The following RPS6KC1 variants were observed in gnomAD, a reference collection of about 807,000 sequenced individuals.
RPS6KC1 encodes inactive ribosomal protein S6 kinase delta-1.
RPS6KC1 carries 54 observed loss-of-function variants against 103.8 expected under a neutral mutation model. The observed-to-expected ratio is 0.52, with a 90% CI of 0.42 to 0.65. The LOEUF (loss-of-function observed/expected upper bound fraction) is 0.65, where lower values mean the gene tolerates loss of function less well. Among genes scored for constraint, RPS6KC1 ranks in the 30% least tolerant of loss-of-function variants. The pLI is 0.00. For synonymous variants in RPS6KC1, 439 were observed against 438.7 expected (o/e 1.00, Z -0.01); for missense variants, 1,151 against 1,253.8 (o/e 0.92, Z 1.24).
intron 8 of RPS6KC1, among the ~76,000 whole-genome samples, chr1:213,180,438 CT>C (rs1245633031): frequency 6.6e-6 from 1 of 152,086 alleles, no homozygotes; most frequent in Non-Finnish European, 1.5e-5. Context: ...TAAGAAATAC[CT>C]TTTGAGAATT....
chr1:213,269,111 G>T (rs1178152375), intron 14 of RPS6KC1, among the ~76,000 whole-genome samples: 3 of 152,158 alleles, frequency 2.0e-5, no homozygotes, highest in African/African-American at 7.2e-5. Context: ...CAGATTGAAA[G>T]ACAAAGGATG....
At chr1:213,155,020 T>A (rs940788169) in intron 6 of RPS6KC1, among the ~76,000 whole-genome samples, 2 of 152,198 alleles carry the variant, frequency 1.3e-5, no homozygotes, top group Admixed American at 6.5e-5. Context: ...CAGGTTCCCT[T>A]CTGGCTCAGG....
At chr1:213,284,641 C>CA in the RPS6KC1 span, among the ~76,000 whole-genome samples, 149,755 of 152,244 alleles carry the variant, frequency 0.98, 73,707 homozygotes, top group East Asian at 1. Flanking sequence ...TTGAAGTAGG[C>CA]AAGAAGATGG....
chr1:213,060,247 C>A (rs1419813143), intron 1 of RPS6KC1, among the ~76,000 whole-genome samples: 1 of 152,152 alleles, frequency 6.6e-6, no homozygotes, highest in African/African-American at 2.4e-5. Context: ...AAATCCTTAA[C>A]CTGTTAGGAT....
chr1:213,805,067 C>A, the RPS6KC1 span, among the ~76,000 whole-genome samples: 4 of 152,142 alleles, frequency 2.6e-5, no homozygotes, highest in Non-Finnish European at 5.9e-5. Flanking sequence ...AATGTATATA[C>A]CTTAATTTAA....
the RPS6KC1 span, among the ~76,000 whole-genome samples, chr1:213,851,400 C>T: frequency 6.6e-6 from 1 of 152,136 alleles, no homozygotes; most frequent in Non-Finnish European, 1.5e-5. Context: ...TCCCTACTTT[C>T]TCTCTCTCTT....
chr1:213,521,645 T>G, the RPS6KC1 span, among the ~76,000 whole-genome samples: 2 of 152,246 alleles, frequency 1.3e-5, no homozygotes, highest in Non-Finnish European at 2.9e-5. Context: ...CTTTACCAAC[T>G]AAATTTATGT....
At chr1:213,374,408 G>A in the RPS6KC1 span, among the ~76,000 whole-genome samples, 1 of 151,934 alleles carries the variant, frequency 6.6e-6, no homozygotes, top group Non-Finnish European at 1.5e-5. Context: ...CAGAACTAAG[G>A]TCCAATGGAA....
the RPS6KC1 span, among the ~76,000 whole-genome samples, chr1:213,717,480 T>C: frequency 1.3e-5 from 2 of 152,240 alleles, no homozygotes; most frequent in African/African-American, 4.8e-5. Context: ...GATTGGAAAG[T>C]ACATTAGTTG....
At chr1:213,113,961 A>T (rs1188979403) in intron 4 of RPS6KC1, among the ~76,000 whole-genome samples, 1 of 152,138 alleles carries the variant, frequency 6.6e-6, no homozygotes, top group Admixed American at 6.5e-5. Flanking sequence ...TGGTTACTGT[A>T]GCCTTGTAGT....
chr1:213,344,209 A>G, the RPS6KC1 span, among the ~76,000 whole-genome samples: 1 of 152,238 alleles, frequency 6.6e-6, no homozygotes, highest in African/African-American at 2.4e-5. Flanking sequence ...TGTGCAACAG[A>G]CCTAAAAAAA....
At chr1:213,607,688 T>TACACACACACAC in the RPS6KC1 span, among the ~76,000 whole-genome samples, 943 of 140,852 alleles carry the variant, frequency 6.7e-3, 7 homozygotes, top group African/African-American at 0.016. Flanking sequence ...CAGTTGCAAT[T>TACACACACACAC]ACACACACAC....
At chr1:213,732,869 T>C in the RPS6KC1 span, among the ~76,000 whole-genome samples, 1 of 152,244 alleles carries the variant, frequency 6.6e-6, no homozygotes, top group Non-Finnish European at 1.5e-5. Flanking sequence ...TTCAACATTT[T>C]ACCCCTCACG....
chr1:213,640,505 TA>T, the RPS6KC1 span, among the ~76,000 whole-genome samples: 21 of 151,748 alleles, frequency 1.4e-4, no homozygotes, highest in African/African-American at 5.1e-4. Flanking sequence ...ATTTATTTGA[TA>T]TTTTTTTCTC....
the RPS6KC1 span, among the ~76,000 whole-genome samples, chr1:213,851,327 T>C: frequency 6.6e-6 from 1 of 152,176 alleles, no homozygotes; most frequent in Non-Finnish European, 1.5e-5. Context: ...TCTCCCTCTT[T>C]GCAGGCTTGG....
At chr1:213,446,580 A>C in the RPS6KC1 span, among the ~76,000 whole-genome samples, 1 of 152,186 alleles carries the variant, frequency 6.6e-6, no homozygotes, top group Non-Finnish European at 1.5e-5. Context: ...AAGTCAGCTG[A>C]TAGTAGATGT....
the RPS6KC1 span, among the ~76,000 whole-genome samples, chr1:213,704,385 C>CAAAAA: frequency 3.6e-5 from 1 of 27,658 alleles, no homozygotes; most frequent in African/African-American, 9.5e-5. Context: ...GACTCCGTCT[C>CAAAAA]AAAAAAAAAA....
At chr1:213,491,367 G>A in the RPS6KC1 span, among the ~76,000 whole-genome samples, 1 of 152,128 alleles carries the variant, frequency 6.6e-6, no homozygotes, top group East Asian at 1.9e-4. Flanking sequence ...GGCCAACACG[G>A]TGAAACCCCA....
At chr1:213,453,839 C>A in the RPS6KC1 span, among the ~76,000 whole-genome samples, 2 of 152,188 alleles carry the variant, frequency 1.3e-5, no homozygotes, top group Non-Finnish European at 2.9e-5. Context: ...TTGAACAACA[C>A]AGGTCCAGGT....
Sources: allele counts gnomAD v4.1 joint callset (sites outside exome capture counted in the v4.1 genomes callset), GRCh38; gene constraint gnomAD v4.1.1; transcripts MANE v1.5; gene names NCBI Gene and HGNC (gene_info 2026-07-23, HGNC 2026-07-21).